The following CAMK2D variants were observed in gnomAD, a reference collection of about 807,000 sequenced individuals.
The protein encoded by CAMK2D is calcium/calmodulin-dependent protein kinase type II subunit delta.
Under a neutral mutation model 84.0 loss-of-function variants are expected in CAMK2D, and 37 were observed. The observed-to-expected ratio is 0.44, with a 90% CI of 0.34 to 0.58. The LOEUF (loss-of-function observed/expected upper bound fraction) is 0.58. Ranked by LOEUF, CAMK2D falls within the 20% of genes least tolerant of loss-of-function variation. The pLI, the probability that CAMK2D is intolerant of heterozygous loss-of-function variation, is 0.02. For missense variants in CAMK2D, 448 were observed against 652.5 expected, an observed-to-expected ratio of 0.69 and a Z score of 3.41; for synonymous variants, 202 against 212.5, an observed-to-expected ratio of 0.95 and a Z score of 0.43.
chr4:113,550,438 T>C (rs1031871796), intron 5 of CAMK2D, among the ~76,000 whole-genome samples: 11 of 152,162 alleles, frequency 7.2e-5, no homozygotes, highest in African/African-American at 1.9e-4. Flanking sequence ...CTCCCAAAGT[T>C]CTGGGATTAT....
At chr4:113,474,498 C>CTTTTTTT (rs70961831) in intron 16 of CAMK2D, among the ~76,000 whole-genome samples, 4 of 89,822 alleles carry the variant, frequency 4.5e-5, no homozygotes, top group Non-Finnish European at 6.4e-5. Context: ...CCTTTTTGGC[C>CTTTTTTT]TTTTTTTTTT....
At chr4:113,705,644 A>G (rs182357384) in intron 2 of CAMK2D, among the ~76,000 whole-genome samples, 13 of 152,308 alleles carry the variant, frequency 8.5e-5, no homozygotes, top group Middle Eastern at 6.8e-3. Flanking sequence ...GTTACAAAAT[A>G]AAAAGTTTTA....
At chr4:113,742,090 T>C (rs2099594384) in intron 2 of CAMK2D, among the ~76,000 whole-genome samples, 1 of 152,192 alleles carries the variant, frequency 6.6e-6, no homozygotes, top group Admixed American at 6.5e-5. Context: ...CTTAACTCTC[T>C]TCACCAACCT....
In CAMK2D at chr4:113,465,383, C is replaced by T. The variant is rs542188516; in HGVS notation, c.1211+146G>A. The T allele has an allele frequency of 8.7e-6, 5 of 577,170 alleles. 1 individual carries two copies. The East Asian group carries it at 1.5e-4, about 18-fold the overall frequency. 35.8% of individuals were successfully genotyped at this position (577,170 alleles called of 1,614,324 possible). On this transcript the variant is annotated intron_variant, in intron 17 of 20. Transcript: ENST00000511664. Reference sequence around the variant, plus strand: ...CTCTGAAATTTTTCTCTCCTAGGGGCACTTAGTCATTTATGAAATAAAACT... The same window carrying T: ...CTCTGAAATTTTTCTCTCCTAGGGGTACTTAGTCATTTATGAAATAAAACT...
At chr4:113,685,531 C>T (rs891094820) in intron 2 of CAMK2D, among the ~76,000 whole-genome samples, 3 of 152,060 alleles carry the variant, frequency 2.0e-5, no homozygotes, top group African/African-American at 7.2e-5. Flanking sequence ...TGAGCCACTG[C>T]ACCTGGCCAC....
chr4:113,760,110 T>C (rs1280777001), intron 1 of CAMK2D, among the ~76,000 whole-genome samples: 3 of 152,068 alleles, frequency 2.0e-5, no homozygotes, highest in Non-Finnish European at 4.4e-5. Context: ...TCGAAACTAG[T>C]GAAAGAGGAA....
At chr4:113,496,544 G>A (rs2097935483) in intron 16 of CAMK2D, among the ~76,000 whole-genome samples, 1 of 151,388 alleles carries the variant, frequency 6.6e-6, no homozygotes, top group South Asian at 2.1e-4. Context: ...CACCCACCGG[G>A]TTCAAGTGAT....
chr4:113,693,990 A>G (rs2099395703), intron 2 of CAMK2D, among the ~76,000 whole-genome samples: 1 of 152,198 alleles, frequency 6.6e-6, no homozygotes, highest in African/African-American at 2.4e-5. Context: ...AGCATTACCA[A>G]GCAAAAACCA....
At chr4:113,455,973 G>A in intron 19 of CAMK2D, 152 bp from the exon 20 acceptor site, 1 of 477,642 alleles carries the variant, frequency 2.1e-6, no homozygotes, top group East Asian at 2.9e-5. Flanking sequence ...GGCGATTTGT[G>A]CTGTACCTCT....
intron 8 of CAMK2D, among the ~76,000 whole-genome samples, chr4:113,524,375 TA>T (rs1412342699): frequency 2.0e-5 from 3 of 152,212 alleles, no homozygotes; most frequent in Admixed American, 6.5e-5. Flanking sequence ...TTCATGTGAG[TA>T]GAATCATAAT....
intron 3 of CAMK2D, among the ~76,000 whole-genome samples, chr4:113,615,925 A>G (rs2099019211): frequency 6.6e-6 from 1 of 152,158 alleles, no homozygotes; most frequent in Non-Finnish European, 1.5e-5. Flanking sequence ...AATTTTAGCT[A>G]TTTGAACACA....
chr4:113,465,743 C>CA, intron 16 of CAMK2D, 139 bp from the exon 17 acceptor site: 1 of 605,318 alleles, frequency 1.7e-6, no homozygotes, highest in East Asian at 2.9e-5. Flanking sequence ...CAGCTCCCTA[C>CA]AGCCTTGACC....
At chr4:113,711,335 C>T (rs1028932732) in intron 2 of CAMK2D, among the ~76,000 whole-genome samples, 4 of 151,708 alleles carry the variant, frequency 2.6e-5, no homozygotes, top group African/African-American at 9.7e-5. Flanking sequence ...ATAGATAATG[C>T]CACTAAATCT....
intron 17 of CAMK2D, among the ~76,000 whole-genome samples, chr4:113,462,292 G>GTGTC (rs764313367): frequency 1.1e-4 from 12 of 111,364 alleles, no homozygotes; most frequent in South Asian, 3.3e-4. Context: ...GTGTGTGTGT[G>GTGTC]TGTCTGTCTG....
chr4:113,565,572 C>T (rs2098719253), intron 4 of CAMK2D, among the ~76,000 whole-genome samples: 1 of 151,350 alleles, frequency 6.6e-6, no homozygotes, highest in Non-Finnish European at 1.5e-5. Context: ...AATCGCTCGA[C>T]CCCGGGAGGC....
intron 2 of CAMK2D, among the ~76,000 whole-genome samples, chr4:113,731,585 C>CTTT (rs577555908): frequency 1.2e-4 from 15 of 127,764 alleles, no homozygotes; most frequent in East Asian, 2.3e-4. Context: ...AGGGTTATTG[C>CTTT]TTTTTTTTTT....
intron 16 of CAMK2D, among the ~76,000 whole-genome samples, chr4:113,492,398 T>C (rs2097856614): frequency 2.0e-5 from 3 of 152,232 alleles, no homozygotes; most frequent in Admixed American, 6.5e-5. Context: ...TTTCACTATG[T>C]ACCCAGTAGT....
At chr4:113,602,461 T>G (rs995180414) in intron 4 of CAMK2D, among the ~76,000 whole-genome samples, 1 of 152,198 alleles carries the variant, frequency 6.6e-6, no homozygotes, top group Non-Finnish European at 1.5e-5. Flanking sequence ...TGACATAAAT[T>G]TGTAGAGTTT....
At position 113,645,830 on chromosome 4, in the gene CAMK2D, A is replaced by G. The variant is rs542506801; in HGVS notation, c.220+15883T>C. ...CAGTTTTAGGTGTCTGCCACATAAA[A>G]GAGACCATGAGCCCCTCACACTCCT... On this transcript the variant is annotated intron_variant, in intron 3 of 20. Transcript: ENST00000511664. Among the ~76,000 whole-genome samples the G allele has an allele frequency of 1.6e-3, 248 of 152,360 alleles. 1 individual carries two copies. Among genetic ancestry groups the G allele is most frequent in the Non-Finnish European group, 2.6e-3 (179 of 68,038 alleles).
Sources: gnomAD v4.1 joint callset for allele counts (sites outside exome capture counted in the v4.1 genomes callset) on GRCh38, gnomAD v4.1.1 for gene constraint, MANE v1.5 for transcripts, NCBI Gene and HGNC (gene_info 2026-07-23, HGNC 2026-07-21) for gene names.